Variants in BICRAL observed in about 807,000 individuals in gnomAD.
BICRAL encodes the protein BRD4-interacting chromatin-remodeling complex-associated protein-like.
In BICRAL, 8 loss-of-function variants were observed where a neutral mutation model predicts 91.8. That is an observed-to-expected ratio of 0.09 (90% CI 0.05 to 0.16). The LOEUF (loss-of-function observed/expected upper bound fraction) is 0.16. Ranked by LOEUF, BICRAL falls within the 10% of genes least tolerant of loss-of-function variation. The pLI is 1.00. For missense variants in BICRAL, 1,038 were observed against 1,310.9 expected (o/e 0.79, Z 3.21); for synonymous variants, 445 against 491.1 (o/e 0.91, Z 1.24).
In BICRAL at chr6:42,829,375, A is replaced by G. The variant is rs1465243958; in HGVS notation, c.1042A>G (p.Ser348Gly). 1.2e-6 allele frequency: 2 copies of G among 1,614,180 alleles called. No homozygotes were observed. The highest frequency in any genetic ancestry group is 1.3e-5 in the African/African-American group (1 of 75,050). Residue 348 changes from serine to glycine, a missense_variant, in exon 6 of 13, where the codon AGC (serine) becomes GGC (glycine). Physicochemically the swap from Ser to Gly is moderately conservative, Grantham distance 56. Around this residue, in one of 5 missense-constraint regions of BICRAL, gnomAD observed 532 missense variants for 724.9 expected, o/e 0.73. Coordinates refer to ENST00000314073, the MANE Select transcript of BICRAL (RefSeq NM_001393499.1). ...ACAAGGGATCTCTTTTGCTTCTGCA[A>G]GCTCACCCCAGGGCTCAGTAGTTGG... The part of the protein sequence containing the change: ...VQQGISFASA[S>G]SPQGSVVGPH...
chr6:42,825,944 G>A (rs1028894785), intron 5 of BICRAL, among the ~76,000 whole-genome samples: 9 of 151,828 alleles, frequency 5.9e-5, no homozygotes, highest in African/African-American at 1.5e-4. Context: ...TTAGCTGGGC[G>A]TGGTGGTGGG....
intron 6 of BICRAL, among the ~76,000 whole-genome samples, chr6:42,847,326 G>A (rs1383024682): frequency 6.6e-6 from 1 of 152,142 alleles, no homozygotes; most frequent in Non-Finnish European, 1.5e-5. Context: ...TTTTATAGAT[G>A]TTTATCAAAT....
intron 6 of BICRAL, among the ~76,000 whole-genome samples, chr6:42,840,352 C>G (rs538534357): frequency 1.3e-5 from 2 of 151,918 alleles, no homozygotes; most frequent in Non-Finnish European, 2.9e-5. Context: ...AAGCTATTCT[C>G]CTGCCTCAGC....
At chr6:42,772,037 G>A (rs1224043239) in intron 1 of BICRAL, among the ~76,000 whole-genome samples, 3 of 152,076 alleles carry the variant, frequency 2.0e-5, no homozygotes, top group African/African-American at 7.2e-5. Flanking sequence ...AGTGATCAGT[G>A]GGTAATAGAG....
chr6:42,852,138 A>C lies in BICRAL; in HGVS notation c.1886A>C (p.Lys629Thr), dbSNP rs748705275. ...LNQTSPISAPKTTDGLRQAQI... is the reference protein window; with the variant it reads ...LNQTSPISAPTTTDGLRQAQI... ...CAGACTTCCCCCATTTCTGCTCCCA[A>C]GACCACAGACGGCCTGAGGCAAGCA... Residue 629 changes from lysine to threonine, a missense_variant, in exon 7 of 13, where the codon AAG becomes ACG. By Grantham distance (78) the Lys-to-Thr change is moderately conservative. Around this residue, in one of 5 missense-constraint regions of BICRAL, gnomAD observed 532 missense variants for 724.9 expected, o/e 0.73. Transcript: ENST00000314073. 3.7e-6 allele frequency: 6 copies of C among 1,613,710 alleles called. No individual in the cohort carries two copies. Among genetic ancestry groups the C allele is most frequent in the Non-Finnish European group, 5.1e-6 (6 of 1,179,756 alleles).
At chr6:42,798,089 CAG>C (rs148360750) in intron 1 of BICRAL, among the ~76,000 whole-genome samples, 4 of 152,008 alleles carry the variant, frequency 2.6e-5, no homozygotes, top group African/African-American at 4.8e-5. Flanking sequence ...AACTCAGAAA[CAG>C]AAAATCAAAT....
At chr6:42,805,826 C>T (rs953869195) in intron 1 of BICRAL, among the ~76,000 whole-genome samples, 1 of 151,914 alleles carries the variant, frequency 6.6e-6, no homozygotes, top group African/African-American at 2.4e-5. Context: ...ACGATGAAAC[C>T]CCGTCTCTAC....
In BICRAL at chr6:42,822,018, T is replaced by A. The variant is rs764807353; in HGVS notation, c.-5T>A. The A allele has an allele frequency of 3.1e-6, 5 of 1,602,506 alleles. No individual in the cohort carries two copies. The highest frequency in any genetic ancestry group is 4.3e-6 in the Non-Finnish European group (5 of 1,169,880). On this transcript the variant is annotated splice_region_variant and 5_prime_UTR_variant, in exon 3 of 13. In the 5' UTR this introduces an upstream ATG that the reference lacks. Transcript: ENST00000314073. Reference sequence around the variant, plus strand: ...GTTTTCCTCTCCCTTTTCTTTATAGTTGTCATGGATGATGATGATGACTCG... The same window carrying A: ...GTTTTCCTCTCCCTTTTCTTTATAGATGTCATGGATGATGATGATGACTCG...
intron 1 of BICRAL, among the ~76,000 whole-genome samples, chr6:42,788,344 C>A (rs1408468254): frequency 1.3e-5 from 2 of 151,488 alleles, no homozygotes; most frequent in Non-Finnish European, 2.9e-5. Flanking sequence ...CCTGCCTCAG[C>A]CTCCCAAGTA....
chr6:42,832,184 C>A (rs532173723), intron 6 of BICRAL, among the ~76,000 whole-genome samples: 1 of 151,104 alleles, frequency 6.6e-6, no homozygotes, highest in Non-Finnish European at 1.5e-5. Flanking sequence ...CCTGTCTCTA[C>A]TAAAAATACA....
chr6:42,860,685 A>G (rs557905200), intron 11 of BICRAL, among the ~76,000 whole-genome samples: 367 of 152,364 alleles, frequency 2.4e-3, no homozygotes, highest in African/African-American at 7.4e-3. Context: ...CCCCTGGTCC[A>G]CACTCTGATG....
intron 1 of BICRAL, among the ~76,000 whole-genome samples, chr6:42,788,813 C>T (rs1460352075): frequency 6.6e-6 from 1 of 152,134 alleles, no homozygotes; most frequent in Non-Finnish European, 1.5e-5. Flanking sequence ...AGTTTCAATG[C>T]TGGGCATTGT....
At chr6:42,794,886 G>A (rs948968207) in intron 1 of BICRAL, among the ~76,000 whole-genome samples, 8 of 151,528 alleles carry the variant, frequency 5.3e-5, no homozygotes, top group East Asian at 1.9e-4. Flanking sequence ...GCTTGAACCC[G>A]GGAGGCGGAG....
In BICRAL at chr6:42,864,468, A is replaced by G. The variant is rs189555914; in HGVS notation, c.2453-191A>G. On this transcript the variant is annotated intron_variant, in intron 12 of 12. Coordinates refer to ENST00000314073, the MANE Select transcript of BICRAL (RefSeq NM_001393499.1). ...CTCCCCATCTTGAAGCTGGGGCTCC[A>G]CAGCCTTGGCTGCCTTTACAGGATG... Among the ~76,000 whole-genome samples the G allele has an allele frequency of 3.5e-4, 54 of 152,312 alleles. No individual in the cohort carries two copies. In the East Asian group the frequency reaches 9.7e-3, roughly 27 times the overall value.
At chr6:42,771,362 T>C (rs1762722118) in intron 1 of BICRAL, among the ~76,000 whole-genome samples, 1 of 152,180 alleles carries the variant, frequency 6.6e-6, no homozygotes, top group African/African-American at 2.4e-5. Flanking sequence ...TTAGCTGCTC[T>C]GGTTTCTTTT....
intron 6 of BICRAL, among the ~76,000 whole-genome samples, chr6:42,837,471 G>T (rs112821656): frequency 2.0e-5 from 3 of 151,514 alleles, no homozygotes; most frequent in African/African-American, 7.3e-5. Flanking sequence ...ATCAAATGGG[G>T]CCGGGCATGT....
At chr6:42,843,959 G>A (rs988593762) in intron 6 of BICRAL, among the ~76,000 whole-genome samples, 7 of 149,426 alleles carry the variant, frequency 4.7e-5, no homozygotes, top group Non-Finnish European at 7.4e-5. Flanking sequence ...TCACCATGCC[G>A]GCTAATTTTT....
At chr6:42,790,792 G>A (rs1038261213) in intron 1 of BICRAL, among the ~76,000 whole-genome samples, 2 of 152,050 alleles carry the variant, frequency 1.3e-5, no homozygotes, top group African/African-American at 4.8e-5. Context: ...ATGCGTTTCT[G>A]CATGGCATGG....
rs116840540 is a variant in BICRAL, at chr6:42,826,650, C to T, written c.160-1843C>T. 6.0e-3 allele frequency among the ~76,000 whole-genome samples: 914 copies of T among 152,242 alleles called. 11 individuals are homozygous for T. Among genetic ancestry groups the T allele is most frequent in the African/African-American group, 0.021 (883 of 41,528 alleles). ...TGTTTGAGCCTTAGGTTCCCTTACT[C>T]TTTTCAGTTGCTTTGTTGTGCTGTG... On this transcript the variant is annotated intron_variant, in intron 5 of 12. Coordinates refer to ENST00000314073, the MANE Select transcript of BICRAL (RefSeq NM_001393499.1).
Sources: gnomAD v4.1 joint callset for allele counts (sites outside exome capture counted in the v4.1 genomes callset) on GRCh38, gnomAD v4.1.1 for gene constraint, gnomAD v4.1.1 regional missense constraint, MANE v1.5 for transcripts, NCBI Gene and HGNC (gene_info 2026-07-23, HGNC 2026-07-21) for gene names.